Variants in PHACTR1 observed in about 807,000 individuals in gnomAD.
The protein encoded by PHACTR1 is RPEL repeat containing 1.
A neutral mutation model predicts 69.2 loss-of-function variants in PHACTR1; 16 were observed. The observed-to-expected ratio is 0.23, with a 90% CI of 0.16 to 0.35. The LOEUF (loss-of-function observed/expected upper bound fraction) is 0.35, where lower values mean the gene tolerates loss of function less well. Ranked by LOEUF, PHACTR1 falls within the 10% of genes least tolerant of loss-of-function variation. The probability of loss-of-function intolerance (pLI) is 1.00; values close to 1 mark genes in which losing one functional copy is unlikely to be tolerated. For synonymous variants in PHACTR1, 312 were observed against 284.5 expected (o/e 1.10, Z -0.97); for missense variants, 510 against 734.7 (o/e 0.69, Z 3.54).
intron 4 of PHACTR1, among the ~76,000 whole-genome samples, chr6:12,860,936 A>C (rs1268688890): frequency 6.6e-6 from 1 of 152,252 alleles, no homozygotes; most frequent in Admixed American, 6.5e-5. Context: ...TGGGCAAGTA[A>C]GGCAACACTA....
At chr6:12,941,114 C>T (rs1027359266) in intron 4 of PHACTR1, among the ~76,000 whole-genome samples, 2 of 152,124 alleles carry the variant, frequency 1.3e-5, no homozygotes, top group African/African-American at 4.8e-5. Context: ...ACCAGTGAGG[C>T]TCAGGGTCAA....
chr6:13,004,820 A>G (rs1798583789), intron 4 of PHACTR1, among the ~76,000 whole-genome samples: 1 of 152,176 alleles, frequency 6.6e-6, no homozygotes, highest in Non-Finnish European at 1.5e-5. Context: ...TGTGCAATAT[A>G]GCTTTGTGCA....
chr6:12,922,466 TCAG>T (rs1349814724), intron 4 of PHACTR1, among the ~76,000 whole-genome samples: 1 of 149,478 alleles, frequency 6.7e-6, no homozygotes, highest in Non-Finnish European at 1.5e-5. Flanking sequence ...TGCAGAGCCA[TCAG>T]CATCCATAAA....
chr6:13,263,457 C>G (rs1164543149), intron 10 of PHACTR1, among the ~76,000 whole-genome samples: 1 of 151,502 alleles, frequency 6.6e-6, no homozygotes, highest in African/African-American at 2.4e-5. Flanking sequence ...TTTTTCAGTT[C>G]ACTGAATCAT....
Position 13,159,411 on chromosome 6 carries a change from C to T in PHACTR1, c.416-793C>T, listed in dbSNP as rs554486949. Among the ~76,000 whole-genome samples the T allele has an allele frequency of 3.9e-5, 6 of 152,308 alleles. No individual in the cohort carries two copies. The South Asian group carries it at 1.2e-3, about 32-fold the overall frequency. On this transcript the variant is annotated intron_variant, in intron 5 of 14. Coordinates refer to ENST00000332995, the MANE Select transcript of PHACTR1 (RefSeq NM_030948.6). ...ATTTTTTAAAATAGTTGGAAAGCAA[C>T]AGAATCCTCAGTGAGGCATGATCTC... is the stretch of plus-strand genomic sequence containing the variant.
intron 5 of PHACTR1, among the ~76,000 whole-genome samples, chr6:13,132,969 A>G (rs2186159): frequency 0.19 from 29,025 of 152,036 alleles, 3,174 homozygotes; most frequent in South Asian, 0.41. Context: ...TTTACCCACA[A>G]TAGAACTTCC....
chr6:13,233,090 C>T (rs1188241952), intron 10 of PHACTR1, among the ~76,000 whole-genome samples: 1 of 152,146 alleles, frequency 6.6e-6, no homozygotes, highest in Non-Finnish European at 1.5e-5. Flanking sequence ...GGTCCTTGCA[C>T]CTGGTTTAGA....
chr6:13,256,966 C>T lies in PHACTR1; in HGVS notation c.1392-15894C>T, dbSNP rs2127410206. The stretch of plus-strand genomic sequence containing the variant: ...GTATCTTTATAGCAATACCCTACTC[C>T]TCAGTTTCAAATTTCTGTATTAGCC... On this transcript the variant is annotated intron_variant, in intron 10 of 14. Coordinates refer to ENST00000332995, the MANE Select transcript of PHACTR1 (RefSeq NM_030948.6). Among the ~76,000 whole-genome samples, 2 of 152,334 alleles carry T rather than the reference C, an allele frequency of 1.3e-5. 1 individual carries two copies. Among genetic ancestry groups the T allele is most frequent in the South Asian group, 4.1e-4 (2 of 4,830 alleles).
At position 12,746,392 on chromosome 6, in the gene PHACTR1, G is replaced by A. The variant is rs542874782; in HGVS notation, c.104-3252G>A. Among the ~76,000 whole-genome samples, 270 of 152,168 alleles carry A rather than the reference G, an allele frequency of 1.8e-3. 1 individual carries two copies. The highest frequency in any genetic ancestry group is 5.7e-3 in the African/African-American group (236 of 41,512). On this transcript the variant is annotated intron_variant, in intron 3 of 14. Transcript: ENST00000332995. ...CTACAAAAAATATAAAAATTAGCCAGGCTTGGTGGAGGCATGTAGCTGTGG... is the reference window on the plus strand; with the variant it reads ...CTACAAAAAATATAAAAATTAGCCAAGCTTGGTGGAGGCATGTAGCTGTGG...
intron 4 of PHACTR1, among the ~76,000 whole-genome samples, chr6:12,751,099 A>G (rs920731119): frequency 6.6e-6 from 1 of 152,250 alleles, no homozygotes; most frequent in Non-Finnish European, 1.5e-5. Flanking sequence ...AAAACTGCAT[A>G]GAAAAACAAG....
At chr6:13,114,329 C>T (rs1241313880) in intron 5 of PHACTR1, among the ~76,000 whole-genome samples, 2 of 152,010 alleles carry the variant, frequency 1.3e-5, no homozygotes, top group Non-Finnish European at 2.9e-5. Flanking sequence ...GTCATCTTGT[C>T]TGAGTTCATC....
chr6:12,790,047 C>T (rs1273167622), intron 4 of PHACTR1, among the ~76,000 whole-genome samples: 1 of 151,982 alleles, frequency 6.6e-6, no homozygotes, highest in Non-Finnish European at 1.5e-5. Flanking sequence ...ACTCTGATAA[C>T]CTCTGAATAA....
chr6:13,109,833 C>CGTGTGTGTGTGTGTGTGT (rs58370068), intron 5 of PHACTR1, among the ~76,000 whole-genome samples: 4 of 146,188 alleles, frequency 2.7e-5, no homozygotes, highest in Admixed American at 6.8e-5. Flanking sequence ...ATTTTTTCAG[C>CGTGTGTGTGTGTGTGTGT]GTGTGTGTGT....
chr6:12,733,921 G>C (rs1442974270), intron 3 of PHACTR1, among the ~76,000 whole-genome samples: 1 of 152,142 alleles, frequency 6.6e-6, no homozygotes, highest in Non-Finnish European at 1.5e-5. Flanking sequence ...GATTGGAAAA[G>C]TTACTTCTAT....
chr6:13,005,287 TAC>T (rs1478615548), intron 4 of PHACTR1, among the ~76,000 whole-genome samples: 1 of 151,984 alleles, frequency 6.6e-6, no homozygotes, highest in African/African-American at 2.4e-5. Context: ...ATAGAGTATA[TAC>T]ATATACTGTC....
At chr6:12,897,987 A>G (rs1305692004) in intron 4 of PHACTR1, among the ~76,000 whole-genome samples, 1 of 152,024 alleles carries the variant, frequency 6.6e-6, no homozygotes, top group Non-Finnish European at 1.5e-5. Context: ...TTCTTGTGTT[A>G]GTTTGCTGAG....
intron 4 of PHACTR1, among the ~76,000 whole-genome samples, chr6:12,946,570 T>C (rs1191836280): frequency 1.3e-5 from 2 of 152,036 alleles, no homozygotes; most frequent in Non-Finnish European, 2.9e-5. Context: ...AGTGAGATCA[T>C]CCAGGGAAAA....
At chr6:13,271,330 T>C (rs1390203012) in intron 10 of PHACTR1, among the ~76,000 whole-genome samples, 2 of 152,166 alleles carry the variant, frequency 1.3e-5, no homozygotes, top group Non-Finnish European at 2.9e-5. Flanking sequence ...GGGATTACCA[T>C]TCAACATGAG....
intron 4 of PHACTR1, among the ~76,000 whole-genome samples, chr6:12,812,193 C>G (rs904907786): frequency 6.6e-6 from 1 of 152,148 alleles, no homozygotes; most frequent in African/African-American, 2.4e-5. Context: ...CAACCACTCC[C>G]CTTTCTGTCT....
Sources: gnomAD v4.1 joint callset for allele counts (sites outside exome capture counted in the v4.1 genomes callset) on GRCh38, gnomAD v4.1.1 for gene constraint, MANE v1.5 for transcripts, NCBI Gene and HGNC (gene_info 2026-07-23, HGNC 2026-07-21) for gene names.